Variants in GRIN2A observed in about 807,000 individuals in gnomAD.
The protein encoded by GRIN2A is glutamate receptor ionotropic, NMDA 2A.
A neutral mutation model predicts 113.4 loss-of-function variants in GRIN2A; 22 were observed. The ratio of observed to expected loss-of-function variants is 0.19; its 90% CI spans 0.14 to 0.28. The LOEUF (loss-of-function observed/expected upper bound fraction) is 0.28, where lower values mean the gene tolerates loss of function less well. GRIN2A is among the 10% of genes least tolerant of loss of function. The pLI is 1.00. For missense variants in GRIN2A, 1,502 were observed against 1,887.0 expected, an observed-to-expected ratio of 0.80 and a Z score of 3.78; for synonymous variants, 827 against 738.4, an observed-to-expected ratio of 1.12 and a Z score of -1.94.
chr16:9,854,463 G>A lies in GRIN2A; in HGVS notation c.1123-4502C>T, dbSNP rs11864073. ...GTTGAATCCTGAAGACCTCAGTTTC[G>A]ACTGTCATATTGTTTCTGCTTGTCT... is the stretch of plus-strand genomic sequence containing the variant. On this transcript the variant is annotated intron_variant, in intron 4 of 12. Coordinates refer to ENST00000330684, the MANE Select transcript of GRIN2A (RefSeq NM_001134407.3). Among the ~76,000 whole-genome samples, 858 of 152,214 alleles carry A rather than the reference G, an allele frequency of 5.6e-3. 4 individuals carry two copies. The highest frequency in any genetic ancestry group is 0.019 in the African/African-American group (775 of 41,520).
chr16:9,798,655 TC>T (rs1419366734), intron 10 of GRIN2A, among the ~76,000 whole-genome samples, 191 bp from the exon 11 acceptor site: 1 of 152,204 alleles, frequency 6.6e-6, no homozygotes, highest in African/African-American at 2.4e-5. Flanking sequence ...ACCTTTTCTC[TC>T]CAACTTACAA....
chr16:10,131,349 T>C (rs2049058029), intron 2 of GRIN2A, among the ~76,000 whole-genome samples: 1 of 152,130 alleles, frequency 6.6e-6, no homozygotes, highest in South Asian at 2.1e-4. Flanking sequence ...CCTAGGCTGT[T>C]CTCAGTTACA....
intron 2 of GRIN2A, among the ~76,000 whole-genome samples, chr16:10,026,622 C>G (rs1269965152): frequency 1.4e-5 from 2 of 141,056 alleles, no homozygotes; most frequent in Non-Finnish European, 3.0e-5. Flanking sequence ...CTGCTCCATT[C>G]ACTGCACAGT....
intron 2 of GRIN2A, among the ~76,000 whole-genome samples, chr16:9,980,228 A>T (rs2045864662): frequency 6.6e-6 from 1 of 151,710 alleles, no homozygotes; most frequent in Admixed American, 6.6e-5. Context: ...AGCCGAGATC[A>T]CACGACTGCA....
intron 2 of GRIN2A, among the ~76,000 whole-genome samples, chr16:9,994,801 A>C (rs2046191877): frequency 6.6e-6 from 1 of 152,234 alleles, no homozygotes; most frequent in Non-Finnish European, 1.5e-5. Context: ...CTTTACCCTG[A>C]AAGTGCTTTT....
intron 2 of GRIN2A, among the ~76,000 whole-genome samples, chr16:10,060,606 A>G (rs1325169612): frequency 1.3e-5 from 2 of 152,230 alleles, no homozygotes; most frequent in African/African-American, 4.8e-5. Context: ...TCTTCAATGT[A>G]TCATTTGTTC....
intron 3 of GRIN2A, among the ~76,000 whole-genome samples, chr16:9,899,806 T>A (rs572786963): frequency 3.8e-4 from 58 of 152,262 alleles, no homozygotes; most frequent in Admixed American, 1.8e-3. Flanking sequence ...AAAAAATGAA[T>A]GAGCAGGCAT....
intron 2 of GRIN2A, among the ~76,000 whole-genome samples, chr16:9,954,839 CCAG>C (rs2045268615): frequency 6.6e-6 from 1 of 152,162 alleles, no homozygotes; most frequent in African/African-American, 2.4e-5. Context: ...TGGGATGAAT[CCAG>C]AATTCAATAT....
chr16:9,849,322 T>C (rs978870272), intron 5 of GRIN2A, among the ~76,000 whole-genome samples: 52 of 150,644 alleles, frequency 3.5e-4, no homozygotes, highest in Non-Finnish European at 7.2e-4. Flanking sequence ...TTTTTGAATA[T>C]GTATGTTCAA....
intron 2 of GRIN2A, among the ~76,000 whole-genome samples, chr16:10,152,499 G>T (rs1380253946): frequency 1.3e-5 from 2 of 152,160 alleles, no homozygotes; most frequent in East Asian, 3.9e-4. Flanking sequence ...CATCCACTGA[G>T]TCCAGTCCGT....
At chr16:10,169,444 T>G (rs1218067573) in intron 2 of GRIN2A, among the ~76,000 whole-genome samples, 1 of 152,220 alleles carries the variant, frequency 6.6e-6, no homozygotes, top group Non-Finnish European at 1.5e-5. Context: ...GCAGTGGGAA[T>G]GTGACCCAGT....
chr16:10,055,196 A>G (rs562281514), intron 2 of GRIN2A, among the ~76,000 whole-genome samples: 2 of 151,742 alleles, frequency 1.3e-5, no homozygotes, highest in South Asian at 4.2e-4. Flanking sequence ...CTAGGTTTGC[A>G]TGTACATATA....
chr16:10,077,396 T>C (rs2047893901), intron 2 of GRIN2A, among the ~76,000 whole-genome samples: 7 of 152,162 alleles, frequency 4.6e-5, no homozygotes, highest in Admixed American at 3.3e-4. Flanking sequence ...TTTGGTGGCA[T>C]CTCCAACTCT....
chr16:10,068,406 G>C (rs1458941104), intron 2 of GRIN2A, among the ~76,000 whole-genome samples: 1 of 152,234 alleles, frequency 6.6e-6, no homozygotes, highest in South Asian at 2.1e-4. Context: ...GAAGCTTACA[G>C]TCATGGTGGA....
At chr16:10,010,157 T>G (rs2046479651) in intron 2 of GRIN2A, among the ~76,000 whole-genome samples, 1 of 152,268 alleles carries the variant, frequency 6.6e-6, no homozygotes, top group Non-Finnish European at 1.5e-5. Context: ...TCCTTTCTGA[T>G]AAGGGTAGAG....
intron 2 of GRIN2A, among the ~76,000 whole-genome samples, chr16:10,097,170 C>T (rs1235886676): frequency 6.6e-6 from 1 of 152,218 alleles, no homozygotes; most frequent in Admixed American, 6.5e-5. Flanking sequence ...GCAGCAGTCT[C>T]TGAGCTGTTT....
At chr16:10,176,457 T>C (rs7499321) in intron 2 of GRIN2A, among the ~76,000 whole-genome samples, 88,653 of 151,912 alleles carry the variant, frequency 0.58, 26,501 homozygotes, top group Non-Finnish European at 0.65. Flanking sequence ...TTTTCTTCAA[T>C]GGTCAAGTAG....
chr16:9,995,960 G>A (rs1444513397), intron 2 of GRIN2A, among the ~76,000 whole-genome samples: 2 of 125,234 alleles, frequency 1.6e-5, no homozygotes, highest in African/African-American at 3.0e-5. Context: ...GAGCAAAGAG[G>A]TAAAACAATA....
intron 10 of GRIN2A, among the ~76,000 whole-genome samples, chr16:9,808,963 T>C (rs1248786012): frequency 1.3e-5 from 2 of 151,828 alleles, no homozygotes; most frequent in Non-Finnish European, 2.9e-5. Flanking sequence ...TTCTGATGCA[T>C]GCATATCATG....
Sources: allele counts gnomAD v4.1 joint callset (sites outside exome capture counted in the v4.1 genomes callset), GRCh38; gene constraint gnomAD v4.1.1; transcripts MANE v1.5; gene names NCBI Gene and HGNC (gene_info 2026-07-23, HGNC 2026-07-21).